Variants in STK39 observed in about 807,000 individuals in gnomAD.
STK39 encodes the protein STE20/SPS1-related proline-alanine-rich protein kinase.
STK39 carries 20 observed loss-of-function variants against 77.8 expected under a neutral mutation model. The ratio of observed to expected loss-of-function variants is 0.26; its 90% CI spans 0.18 to 0.37. STK39 has a LOEUF of 0.37. STK39 is among the 10% of genes least tolerant of loss of function. The pLI is 1.00. For synonymous variants in STK39, 246 were observed against 234.1 expected (o/e 1.05, Z -0.47); for missense variants, 479 against 656.5 (o/e 0.73, Z 2.95).
chr2:167,959,657 T>C (rs1383315250), intron 17 of STK39, among the ~76,000 whole-genome samples: 1 of 152,198 alleles, frequency 6.6e-6, no homozygotes. Context: ...GATTCCCACT[T>C]CATAGCACTG....
rs186729184 is a variant in STK39, at chr2:168,115,775, A to C, written c.1089+13766T>G. 1.1e-3 allele frequency among the ~76,000 whole-genome samples: 174 copies of C among 152,308 alleles called. 1 individual carries two copies. Among genetic ancestry groups the C allele is most frequent in the African/African-American group, 3.9e-3 (161 of 41,572 alleles). On this transcript the variant is annotated intron_variant, in intron 10 of 17. Coordinates refer to ENST00000355999, the MANE Select transcript of STK39 (RefSeq NM_013233.3). ...GAGCTGAAACTGAGGTCTGCTCAGG[A>C]TGAGAAGAGCTGACACTTCCAGGGG...
At chr2:168,154,293 T>A (rs1045563227) in intron 5 of STK39, among the ~76,000 whole-genome samples, 2 of 152,148 alleles carry the variant, frequency 1.3e-5, no homozygotes, top group African/African-American at 4.8e-5. Context: ...TATCCACTTG[T>A]TAGAGTTGCA....
At chr2:168,047,781 C>T (rs1314201516) in intron 14 of STK39, among the ~76,000 whole-genome samples, 1 of 152,162 alleles carries the variant, frequency 6.6e-6, no homozygotes, top group Non-Finnish European at 1.5e-5. Flanking sequence ...CCCTCCAATG[C>T]TTTTATGAAA....
At chr2:168,041,701 TCC>T (rs1355209522) in intron 14 of STK39, among the ~76,000 whole-genome samples, 2 of 152,184 alleles carry the variant, frequency 1.3e-5, no homozygotes, top group Non-Finnish European at 2.9e-5. Flanking sequence ...TGCTATTCTT[TCC>T]CTGCTAAAAA....
intron 16 of STK39, among the ~76,000 whole-genome samples, chr2:167,968,310 TG>T (rs1387194128): frequency 6.6e-6 from 1 of 152,220 alleles, no homozygotes; most frequent in African/African-American, 2.4e-5. Context: ...CACCAAGTCA[TG>T]GGATTGCTGG....
At chr2:168,080,056 C>A (rs562574684) in intron 10 of STK39, among the ~76,000 whole-genome samples, 6 of 152,242 alleles carry the variant, frequency 3.9e-5, no homozygotes, top group African/African-American at 1.4e-4. Flanking sequence ...TTCACCAGCC[C>A]CAATCACTTA....
At chr2:168,194,313 G>A (rs891807486) in intron 1 of STK39, among the ~76,000 whole-genome samples, 3 of 152,234 alleles carry the variant, frequency 2.0e-5, no homozygotes, top group East Asian at 1.9e-4. Context: ...TCAGCTACTC[G>A]GAAGGCAGAG....
At chr2:168,055,509 G>T (rs1685500384) in intron 14 of STK39, among the ~76,000 whole-genome samples, 1 of 152,122 alleles carries the variant, frequency 6.6e-6, no homozygotes, top group Non-Finnish European at 1.5e-5. Context: ...GCTGATCTGG[G>T]GTCTTCAACT....
chr2:167,969,246 C>T (rs1317125836), intron 16 of STK39, among the ~76,000 whole-genome samples: 1 of 152,166 alleles, frequency 6.6e-6, no homozygotes, highest in Non-Finnish European at 1.5e-5. Flanking sequence ...ATCTGGTTTA[C>T]CTTGCCTTTG....
intron 14 of STK39, among the ~76,000 whole-genome samples, chr2:168,030,939 C>T (rs562386250): frequency 6.6e-6 from 1 of 152,352 alleles, no homozygotes; most frequent in South Asian, 2.1e-4. Context: ...TCAGGGCACA[C>T]TTGCCAGGAG....
chr2:168,163,502 A>G, intron 4 of STK39: 11 of 706,394 alleles, frequency 1.6e-5, no homozygotes, highest in Non-Finnish European at 1.9e-5. Context: ...TTTCTTTCTT[A>G]AGTACTTTTT....
intron 1 of STK39, among the ~76,000 whole-genome samples, chr2:168,216,152 C>T (rs1177850736): frequency 6.6e-6 from 1 of 151,884 alleles, no homozygotes; most frequent in Non-Finnish European, 1.5e-5. Flanking sequence ...CCCGTGCTTC[C>T]TCCTTAGGCC....
At chr2:168,146,419 A>G (rs1483189414) in intron 5 of STK39, among the ~76,000 whole-genome samples, 1 of 152,174 alleles carries the variant, frequency 6.6e-6, no homozygotes, top group African/African-American at 2.4e-5. Context: ...GAGTAACGGG[A>G]TCAATGTTTG....
At chr2:168,224,034 C>T (rs750598683) in intron 1 of STK39, among the ~76,000 whole-genome samples, 18 of 151,908 alleles carry the variant, frequency 1.2e-4, no homozygotes, top group Admixed American at 3.9e-4. Flanking sequence ...CACATAAACA[C>T]ACAAATATAT....
chr2:168,209,934 G>C (rs1009131774), intron 1 of STK39, among the ~76,000 whole-genome samples: 11 of 151,176 alleles, frequency 7.3e-5, no homozygotes, highest in Admixed American at 2.0e-4. Context: ...GGGAGGCAGA[G>C]GTTGCAATGA....
At chr2:168,044,347 C>T (rs938472290) in intron 14 of STK39, among the ~76,000 whole-genome samples, 11 of 152,170 alleles carry the variant, frequency 7.2e-5, no homozygotes, top group Admixed American at 5.2e-4. Context: ...CCTTATCACT[C>T]AATATGCAAC....
intron 5 of STK39, among the ~76,000 whole-genome samples, chr2:168,144,094 GCTA>G (rs1036532477): frequency 6.6e-6 from 1 of 152,184 alleles, no homozygotes; most frequent in Non-Finnish European, 1.5e-5. Flanking sequence ...ATGTGTGAAT[GCTA>G]CTAAGCCTTG....
intron 10 of STK39, among the ~76,000 whole-genome samples, chr2:168,128,684 T>C (rs992404255): frequency 1.3e-5 from 2 of 152,236 alleles, no homozygotes; most frequent in African/African-American, 4.8e-5. Flanking sequence ...AGGCAGTATC[T>C]GGAATTTAAT....
chr2:168,181,751 C>T (rs1442067672), intron 2 of STK39, among the ~76,000 whole-genome samples: 1 of 152,116 alleles, frequency 6.6e-6, no homozygotes, highest in Non-Finnish European at 1.5e-5. Context: ...TGGGATTATT[C>T]GAACTGAGCA....
Sources: allele counts gnomAD v4.1 joint callset (sites outside exome capture counted in the v4.1 genomes callset), GRCh38; gene constraint gnomAD v4.1.1; transcripts MANE v1.5; gene names NCBI Gene and HGNC (gene_info 2026-07-23, HGNC 2026-07-21).